PTDSS2: variants seen among roughly 807,000 people sequenced by gnomAD.
PTDSS2 encodes PSS-2.
In PTDSS2, 41 loss-of-function variants were observed where a neutral mutation model predicts 64.7. The observed-to-expected ratio is 0.63, with a 90% CI of 0.49 to 0.82. The LOEUF (loss-of-function observed/expected upper bound fraction) is 0.82. Among genes scored for constraint, PTDSS2 ranks in the 40% least tolerant of loss-of-function variants. PTDSS2 has a pLI of 0.00. For missense variants in PTDSS2, 485 were observed against 650.0 expected (o/e 0.75, Z 2.76); for synonymous variants, 297 against 277.8 (o/e 1.07, Z -0.69).
chr11:484,076 T>C (rs925242770), intron 4 of PTDSS2, among the ~76,000 whole-genome samples: 9 of 152,234 alleles, frequency 5.9e-5, no homozygotes, highest in Non-Finnish European at 1.2e-4. Flanking sequence ...CCTGCTTCTC[T>C]ACCATTAGTT....
Position 450,300 on chromosome 11 carries a change from A to C in PTDSS2, c.-156A>C. On this transcript the variant is annotated 5_prime_UTR_variant, in exon 1 of 12. Transcript: ENST00000308020. ...CCCCACAATGCACCGCACACCCTTT[A>C]CTGGCCGGCCCCGCGCTGCTCTCCT... The C allele has an allele frequency of 1.9e-6, 1 of 521,562 alleles. No homozygotes were observed. The highest frequency in any genetic ancestry group is 2.9e-6 in the Non-Finnish European group (1 of 345,652). 32.3% of individuals were successfully genotyped at this position (521,562 alleles called of 1,614,324 possible).
chr11:457,992 T>C (rs757166237), intron 1 of PTDSS2, among the ~76,000 whole-genome samples: 2 of 152,218 alleles, frequency 1.3e-5, no homozygotes, highest in African/African-American at 2.4e-5. Context: ...TTGTGATGCT[T>C]TTAATTTCAG....
chr11:456,735 AAG>A (rs1276560087), intron 1 of PTDSS2, among the ~76,000 whole-genome samples: 1 of 152,154 alleles, frequency 6.6e-6, no homozygotes, highest in Non-Finnish European at 1.5e-5. Flanking sequence ...ATGGGGGCCT[AAG>A]AGGGCCTTCT....
At position 487,426 on chromosome 11, in the gene PTDSS2, T is replaced by C; in HGVS notation, c.577T>C (p.Leu193=). The change falls in exon 6 of 12, where the codon TTG becomes CTG. Residue 193 remains leucine, a synonymous_variant. Transcript: ENST00000308020. ...CATACCCTGTCGCCCACAGGACAAGTTGGATGGCTTTGTTCCCGCGCACTT... is the reference window on the plus strand; with the variant it reads ...CATACCCTGTCGCCCACAGGACAAGCTGGATGGCTTTGTTCCCGCGCACTT... ...TDPFHNIWDK[L]DGFVPAHFLG... 1 of 1,613,914 alleles carries C rather than the reference T, an allele frequency of 6.2e-7. No homozygotes were observed. The highest frequency in any genetic ancestry group is 1.1e-5 in the South Asian group (1 of 91,086).
chr11:469,841 C>T (rs537587910), intron 2 of PTDSS2, among the ~76,000 whole-genome samples: 112 of 152,120 alleles, frequency 7.4e-4, no homozygotes, highest in Admixed American at 2.6e-3. Context: ...CCTGGCAGTT[C>T]CAGAAAGTGA....
intron 2 of PTDSS2, among the ~76,000 whole-genome samples, chr11:472,305 G>T (rs991593577): frequency 6.6e-6 from 1 of 152,202 alleles, no homozygotes. Flanking sequence ...GGCTCCAGGG[G>T]GCCCTGAAAG....
chr11:485,441 TGC>T (rs1848305580), intron 4 of PTDSS2, among the ~76,000 whole-genome samples: 2 of 123,376 alleles, frequency 1.6e-5, no homozygotes, highest in South Asian at 2.9e-4. Context: ...GCTCACCGTG[TGC>T]GCAGGCGAGT....
intron 3 of PTDSS2, among the ~76,000 whole-genome samples, chr11:475,211 G>GCGTGTGTGATACGGCCATAT (rs1847711709): frequency 1.4e-5 from 1 of 69,108 alleles, no homozygotes; most frequent in African/African-American, 7.1e-5. Flanking sequence ...ACATAATCAC[G>GCGTGTGTGATACGGCCATAT]TCTTTGTGTA....
intron 2 of PTDSS2, among the ~76,000 whole-genome samples, chr11:469,105 G>A (rs1847282341): frequency 8.0e-6 from 1 of 125,710 alleles, no homozygotes; most frequent in African/African-American, 3.1e-5. Context: ...GGAGGAGGAG[G>A]GGAGTCTCTG....
intron 2 of PTDSS2, among the ~76,000 whole-genome samples, chr11:472,391 C>G (rs1052191626): frequency 8.5e-5 from 13 of 152,214 alleles, no homozygotes; most frequent in African/African-American, 3.1e-4. Flanking sequence ...GCGGGCCCCA[C>G]CTTGCTGAAC....
chr11:485,894 G>A (rs1848347434), intron 4 of PTDSS2, among the ~76,000 whole-genome samples: 1 of 24,478 alleles, frequency 4.1e-5, no homozygotes, highest in South Asian at 1.6e-3. Flanking sequence ...GCGCGCAGGC[G>A]AGCGTAAACA....
chr11:465,542 A>G lies in PTDSS2; in HGVS notation c.284+5254A>G, dbSNP rs2133781436. Reference sequence around the variant, plus strand: ...AAACATCTTGGAGAAATCACAGGAGAAAGTATAGTGACCTTGGGTTTGGTG... The same window carrying G: ...AAACATCTTGGAGAAATCACAGGAGGAAGTATAGTGACCTTGGGTTTGGTG... On this transcript the variant is annotated intron_variant, in intron 2 of 11. Transcript: ENST00000308020. 2.0e-5 allele frequency among the ~76,000 whole-genome samples: 3 copies of G among 152,374 alleles called. 1 individual carries two copies. Among genetic ancestry groups the G allele is most frequent in the Middle Eastern group, 3.4e-3 (1 of 294 alleles).
intron 2 of PTDSS2, among the ~76,000 whole-genome samples, chr11:466,753 A>G (rs1185019145): frequency 6.6e-6 from 1 of 152,028 alleles, no homozygotes; most frequent in Non-Finnish European, 1.5e-5. Context: ...AGACTCCCTC[A>G]CTACATGAGA....
chr11:475,623 G>C (rs533431223), intron 3 of PTDSS2, among the ~76,000 whole-genome samples: 2 of 152,358 alleles, frequency 1.3e-5, no homozygotes, highest in African/African-American at 4.8e-5. Context: ...TCCTGAACAC[G>C]TGGCTTTGTG....
chr11:481,406 A>G (rs1848066087), intron 4 of PTDSS2, among the ~76,000 whole-genome samples: 1 of 152,122 alleles, frequency 6.6e-6, no homozygotes, highest in Admixed American at 6.5e-5. Context: ...GGAATTTTTT[A>G]TGGGGATTGC....
chr11:484,701 G>T (rs567503824), intron 4 of PTDSS2, among the ~76,000 whole-genome samples: 2 of 151,440 alleles, frequency 1.3e-5, no homozygotes, highest in Non-Finnish European at 2.9e-5. Flanking sequence ...CTGTGTGTGT[G>T]CAGGCGAGCG....
Position 490,639 on chromosome 11 carries a change from CTGTG to C in PTDSS2, c.*60_*63del, listed in dbSNP as rs1848634184. On this transcript the variant is annotated 3_prime_UTR_variant, in exon 12 of 12. Coordinates refer to ENST00000308020, the MANE Select transcript of PTDSS2 (RefSeq NM_030783.3). ...GAGCCCAGGCCTCCGTGGCCTCCTC[CTGTG>C]TGAGTCCCACCAGGAGCCACGTGCC... 1.2e-5 allele frequency: 18 copies of C among 1,494,136 alleles called. No homozygotes were observed. The South Asian group carries it at 2.3e-4, about 19-fold the overall frequency. The allele number at this position is 1,494,136 out of a possible 1,614,324, so 92.6% of individuals were successfully genotyped here. A position where few individuals can be genotyped will look rare whatever the true frequency, so the allele number is the denominator to read the frequency against.
intron 4 of PTDSS2, among the ~76,000 whole-genome samples, chr11:483,455 G>A (rs913646251): frequency 8.5e-5 from 13 of 152,156 alleles, no homozygotes; most frequent in African/African-American, 1.4e-4. Context: ...TGAGTTTTTC[G>A]TAGATCTCCC....
intron 8 of PTDSS2, 50 bp downstream of exon 8, chr11:488,697 G>A (rs973175111): frequency 7.3e-7 from 1 of 1,376,060 alleles, no homozygotes; most frequent in Non-Finnish European, 1.0e-6. Context: ...TTACCTGGAG[G>A]CAGCCTCAGC....
Sources: gnomAD v4.1 joint callset for allele counts (sites outside exome capture counted in the v4.1 genomes callset) on GRCh38, gnomAD v4.1.1 for gene constraint, MANE v1.5 for transcripts, NCBI Gene and HGNC (gene_info 2026-07-23, HGNC 2026-07-21) for gene names.